The following HTT variants were observed in gnomAD, a reference collection of about 807,000 sequenced individuals.
HTT encodes huntington disease protein.
HTT carries 104 observed loss-of-function variants against 362.3 expected under a neutral mutation model. The ratio of observed to expected loss-of-function variants is 0.29; its 90% CI spans 0.24 to 0.34. The LOEUF is 0.34. HTT is among the 10% of genes least tolerant of loss of function. HTT has a pLI of 1.00. For missense variants in HTT, 3,301 were observed against 3,928.6 expected, an observed-to-expected ratio of 0.84 and a Z score of 4.27; for synonymous variants, 1,577 against 1,548.7, an observed-to-expected ratio of 1.02 and a Z score of -0.43.
intron 40 of HTT, among the ~76,000 whole-genome samples, chr4:3,192,628 A>G (rs1394323497): frequency 1.3e-5 from 2 of 152,200 alleles, no homozygotes; most frequent in African/African-American, 2.4e-5. Flanking sequence ...ACATGCAGTA[A>G]CTGATGGTCT....
Position 3,099,372 on chromosome 4 carries a change from A to G in HTT, c.446A>G (p.Glu149Gly). 1 of 1,613,596 alleles carries G rather than the reference A, an allele frequency of 6.2e-7. No individual in the cohort carries two copies. The highest frequency in any genetic ancestry group is 8.5e-7 in the Non-Finnish European group (1 of 1,179,474). ...TCAGATGTCAGGATGGTGGCTGACGAATGCCTCAACAAAGTTATCAAAGTA... is the reference window on the plus strand; with the variant it reads ...TCAGATGTCAGGATGGTGGCTGACGGATGCCTCAACAAAGTTATCAAAGTA... Reference protein sequence around the residue: ...AESDVRMVADECLNKVIKALM... With the variant: ...AESDVRMVADGCLNKVIKALM... The change falls in exon 3 of 67, where the codon GAA (glutamate) becomes GGA (glycine). Residue 149 changes from glutamate to glycine, a missense_variant. By Grantham distance (98) the Glu-to-Gly change is moderately conservative. Transcript: ENST00000355072.
chr4:3,208,960 C>T, intron 46 of HTT, 49 bp downstream of exon 46: 1 of 1,562,514 alleles, frequency 6.4e-7, no homozygotes, highest in Non-Finnish European at 8.6e-7. Flanking sequence ...CTGAGTGCCT[C>T]TGTCACCTGT....
At chr4:3,203,820 G>A (rs191145450) in intron 41 of HTT, among the ~76,000 whole-genome samples, 187 bp from the exon 42 acceptor site, 1 of 152,332 alleles carries the variant, frequency 6.6e-6, no homozygotes, top group East Asian at 1.9e-4. Context: ...TTTTTCATAT[G>A]TGGTTTATTG....
At chr4:3,076,430 T>G (rs1712555138) in intron 1 of HTT, among the ~76,000 whole-genome samples, 1 of 152,366 alleles carries the variant, frequency 6.6e-6, no homozygotes, top group East Asian at 1.9e-4. Context: ...TTGTCTCGTC[T>G]TCAAAGTTTA....
chr4:3,212,070 G>A lies in HTT; in HGVS notation c.6556G>A (p.Val2186Ile). The A allele has an allele frequency of 1.9e-6, 3 of 1,614,202 alleles. No homozygotes were observed. Among genetic ancestry groups the A allele is most frequent in the Non-Finnish European group, 2.5e-6 (3 of 1,180,040 alleles). The change falls in exon 48 of 67, where the codon GTC (valine) becomes ATC (isoleucine). Residue 2186 changes from valine (V) to isoleucine (I), a missense_variant. Physicochemically the swap from Val to Ile is conservative, Grantham distance 29. Around this residue, in one of 4 missense-constraint regions of HTT, gnomAD observed 220 missense variants for 218.5 expected, o/e 1.01. Coordinates refer to ENST00000355072, the MANE Select transcript of HTT (RefSeq NM_001388492.1). The part of the protein sequence containing the change: ...VSGTVQQLPA[V>I]HHVFQPELPA... ...CGGCACCGTGCAGCAGCTCCCTGCTGTCCATCATGTCTTCCAGCCCGAGCT... is the reference window on the plus strand; with the variant it reads ...CGGCACCGTGCAGCAGCTCCCTGCTATCCATCATGTCTTCCAGCCCGAGCT...
chr4:3,151,394 T>C (rs911534436), intron 26 of HTT, among the ~76,000 whole-genome samples: 4 of 147,830 alleles, frequency 2.7e-5, no homozygotes, highest in African/African-American at 1.0e-4. Flanking sequence ...AAAAGAAAGA[T>C]TGAGAGGGAG....
chr4:3,176,589 C>T (rs1163987424), intron 33 of HTT, among the ~76,000 whole-genome samples: 1 of 152,182 alleles, frequency 6.6e-6, no homozygotes, highest in Non-Finnish European at 1.5e-5. Context: ...CAAGGGAAGC[C>T]AGAGCCCTGA....
At chr4:3,237,167 G>T (rs1299253235) in intron 64 of HTT, among the ~76,000 whole-genome samples, 1 of 151,094 alleles carries the variant, frequency 6.6e-6, no homozygotes, top group Non-Finnish European at 1.5e-5. Flanking sequence ...TCCGCCTCCC[G>T]GGTTCAAGTG....
intron 12 of HTT, among the ~76,000 whole-genome samples, chr4:3,127,850 G>C (rs932159985): frequency 1.3e-5 from 2 of 151,928 alleles, no homozygotes; most frequent in African/African-American, 4.8e-5. Flanking sequence ...TGTAGTCCCA[G>C]CTGTTAGGGA....
chr4:3,164,452 C>T (rs533162592), intron 29 of HTT, among the ~76,000 whole-genome samples: 24 of 152,260 alleles, frequency 1.6e-4, no homozygotes, highest in African/African-American at 5.5e-4. Flanking sequence ...CCGCTTGGTC[C>T]AGTGCTGAGT....
chr4:3,181,971 A>C (rs1490066193), intron 36 of HTT, among the ~76,000 whole-genome samples: 1 of 152,268 alleles, frequency 6.6e-6, no homozygotes, highest in Non-Finnish European at 1.5e-5. Context: ...CCACAAAGGC[A>C]ATGAGCCACC....
intron 12 of HTT, chr4:3,129,012 T>C (rs1463822544): frequency 1.3e-5 from 2 of 152,230 alleles, no homozygotes; most frequent in South Asian, 2.1e-4. Flanking sequence ...TCATATACTT[T>C]AGGAGTCACA....
intron 18 of HTT, 84 bp downstream of exon 18, chr4:3,132,995 A>G: frequency 9.7e-7 from 1 of 1,027,120 alleles, no homozygotes; most frequent in East Asian, 2.4e-5. Context: ...CTTAATAGGA[A>G]ATATTTCCAT....
rs377475502 is a variant in HTT at position 3,146,804 on chromosome 4, C to T, written c.3151C>T (p.Pro1051Ser). The change falls in exon 25 of 67, where the codon CCA becomes TCA. Residue 1051 changes from proline (P) to serine (S), a missense_variant. Physicochemically the swap from Pro to Ser is moderately conservative, Grantham distance 74. Transcript: ENST00000355072. ...WSLGWHCGVP[P>S]LSASDESRKS... ...GCAAATGTCTGCTTCCAGAGTGCCT[C>T]CACTGAGTGCCTCAGATGAGTCTAG... 4.3e-6 allele frequency: 7 copies of T among 1,613,838 alleles called. No homozygotes were observed. Among genetic ancestry groups the T allele is most frequent in the Non-Finnish European group, 5.9e-6 (7 of 1,179,824 alleles).
intron 8 of HTT, among the ~76,000 whole-genome samples, chr4:3,119,037 G>C (rs1159936239): frequency 6.6e-6 from 1 of 152,170 alleles, no homozygotes; most frequent in Non-Finnish European, 1.5e-5. Flanking sequence ...CAGGAACTTA[G>C]TTTGCTTTCC....
At chr4:3,130,151 T>C (rs1715733472) in intron 13 of HTT, 104 bp downstream of exon 13, 12 of 1,279,782 alleles carry the variant, frequency 9.4e-6, no homozygotes, top group Non-Finnish European at 1.2e-5. Flanking sequence ...TACTGTTTTC[T>C]GAGTTCTGAA....
intron 29 of HTT, among the ~76,000 whole-genome samples, chr4:3,168,738 C>T (rs6813223): frequency 0.039 from 5,912 of 152,102 alleles, 313 homozygotes; most frequent in African/African-American, 0.12. Flanking sequence ...AATAGTTGGC[C>T]GCAGTGGCAT....
chr4:3,207,435 T>A, intron 45 of HTT, 78 bp downstream of exon 45: 2 of 1,209,160 alleles, frequency 1.7e-6, no homozygotes, highest in Non-Finnish European at 2.4e-6. Flanking sequence ...CGGGAATAAA[T>A]TCACAGGACA....
intron 3 of HTT, among the ~76,000 whole-genome samples, chr4:3,102,502 T>G (rs1462096397): frequency 1.3e-5 from 2 of 152,268 alleles, no homozygotes; most frequent in African/African-American, 4.8e-5. Flanking sequence ...CAGTACAAAC[T>G]GCAACAACAG....
Sources: allele counts gnomAD v4.1 joint callset (sites outside exome capture counted in the v4.1 genomes callset), GRCh38; gene constraint gnomAD v4.1.1; regional missense constraint gnomAD v4.1.1; transcripts MANE v1.5; gene names NCBI Gene and HGNC (gene_info 2026-07-23, HGNC 2026-07-21).